The following PTPN13 variants were observed in gnomAD, a reference collection of about 807,000 sequenced individuals.
The protein encoded by PTPN13 is tyrosine-protein phosphatase non-receptor type 13.
PTPN13 carries 191 observed loss-of-function variants against 284.0 expected under a neutral mutation model. The ratio of observed to expected loss-of-function variants is 0.67; its 90% confidence interval spans 0.60 to 0.76. The LOEUF (loss-of-function observed/expected upper bound fraction) is 0.76. Ranked by LOEUF, PTPN13 falls within the 30% of genes least tolerant of loss-of-function variation. The probability of loss-of-function intolerance (pLI) is 0.00; values close to 1 mark genes in which losing one functional copy is unlikely to be tolerated. For missense variants in PTPN13, 2,797 were observed against 2,939.9 expected, an observed-to-expected ratio of 0.95 and a Z score of 1.12; for synonymous variants, 986 against 1,022.3, an observed-to-expected ratio of 0.96 and a Z score of 0.68.
chr4:86,799,298 C>T, intron 42 of PTPN13, 94 bp downstream of exon 42: 3 of 683,410 alleles, frequency 4.4e-6, no homozygotes, highest in Non-Finnish European at 6.9e-6. Flanking sequence ...GCTGTTTTAC[C>T]ATATGTATAC....
chr4:86,776,878 T>C (rs1039220891), intron 35 of PTPN13, among the ~76,000 whole-genome samples: 5 of 152,140 alleles, frequency 3.3e-5, no homozygotes, highest in African/African-American at 1.2e-4. Context: ...TACAGTGTCA[T>C]AAAGCTGCAC....
chr4:86,634,057 G>T (rs1033309666), intron 1 of PTPN13, among the ~76,000 whole-genome samples: 1 of 152,124 alleles, frequency 6.6e-6, no homozygotes, highest in Non-Finnish European at 1.5e-5. Flanking sequence ...GACAAGACTG[G>T]CCTCATTTAT....
In PTPN13 at chr4:86,814,594, CCT is replaced by C. The variant is rs1276910047; in HGVS notation, c.*45_*46del. 8.1e-6 allele frequency: 12 copies of C among 1,486,470 alleles called. No individual in the cohort carries two copies. Among genetic ancestry groups the C allele is most frequent in the Non-Finnish European group, 1.0e-5 (11 of 1,066,932 alleles). The allele number at this position is 1,486,470 out of a possible 1,614,324, so 92.1% of individuals were successfully genotyped here. On this transcript the variant is annotated 3_prime_UTR_variant, in exon 48 of 48. Transcript: ENST00000411767. ...GATGCATTTCCATTTCTCTCCTTAA[CCT>C]CCAGCAGACTCCTGCTCTCTATCCA...
intron 42 of PTPN13, 78 bp downstream of exon 42, chr4:86,799,282 G>T (rs1022531944): frequency 1.2e-6 from 1 of 865,228 alleles, no homozygotes. Context: ...CAGACTATAT[G>T]GATATGCTGT....
intron 3 of PTPN13, among the ~76,000 whole-genome samples, chr4:86,680,013 A>G (rs1429402202): frequency 2.0e-5 from 3 of 152,278 alleles, no homozygotes; most frequent in Non-Finnish European, 4.4e-5. Flanking sequence ...TAACCTCTCC[A>G]TGTCTTAGGT....
At chr4:86,715,577 A>C (rs1732927928) in intron 7 of PTPN13, among the ~76,000 whole-genome samples, 1 of 152,174 alleles carries the variant, frequency 6.6e-6, no homozygotes, top group Non-Finnish European at 1.5e-5. Flanking sequence ...AGGCAACAGA[A>C]TGAGACCCTG....
At position 86,762,917 on chromosome 4, in the gene PTPN13, T is replaced by C. The variant is rs1436172833; in HGVS notation, c.3744T>C (p.Asp1248=). 8 of 1,613,712 alleles carry C rather than the reference T, an allele frequency of 5.0e-6. No individual in the cohort carries two copies. Among genetic ancestry groups the C allele is most frequent in the African/African-American group, 1.3e-5 (1 of 74,874 alleles). The change falls in exon 24 of 48, where the codon GAT becomes GAC. Residue 1248 remains aspartate (D), a synonymous_variant. Transcript: ENST00000411767. ...GGGAAGGAAGCCTGAGTTCTCAAGA[T>C]TCCAGGACTGAGAGTGCCAGCTTGT... ...GLREGSLSSQ[D]SRTESASLSQ... is the part of the protein sequence containing the mutation.
chr4:86,778,440 T>C (rs558800168), intron 35 of PTPN13, among the ~76,000 whole-genome samples: 41 of 152,224 alleles, frequency 2.7e-4, no homozygotes, highest in Middle Eastern at 3.4e-3. Flanking sequence ...AAATGATGTA[T>C]GTGACGCACC....
chr4:86,767,618 A>G (rs1739484678), intron 27 of PTPN13, among the ~76,000 whole-genome samples, 199 bp from the exon 28 acceptor site: 1 of 152,132 alleles, frequency 6.6e-6, no homozygotes, highest in Non-Finnish European at 1.5e-5. Context: ...CTATACAGAA[A>G]TGTAATAAAA....
chr4:86,799,589 C>G (rs1044257852), intron 42 of PTPN13, among the ~76,000 whole-genome samples: 4 of 151,940 alleles, frequency 2.6e-5, no homozygotes, highest in Non-Finnish European at 4.4e-5. Context: ...CTCAGCTTCC[C>G]AAAGTGCTGG....
intron 40 of PTPN13, among the ~76,000 whole-genome samples, chr4:86,788,303 G>A (rs1742224680): frequency 6.6e-6 from 1 of 152,060 alleles, no homozygotes; most frequent in African/African-American, 2.4e-5. Flanking sequence ...TGTATTTCTA[G>A]AATATTACCT....
At chr4:86,769,645 A>G (rs1739749164) in intron 28 of PTPN13, 124 bp from the exon 29 acceptor site, 1 of 641,166 alleles carries the variant, frequency 1.6e-6, no homozygotes, top group Admixed American at 2.9e-5. Context: ...GTAAGTACAT[A>G]CAGAGCTATA....
intron 40 of PTPN13, among the ~76,000 whole-genome samples, chr4:86,787,828 C>G (rs896406741): frequency 1.3e-5 from 2 of 152,134 alleles, no homozygotes; most frequent in East Asian, 1.9e-4. Context: ...CTTTTTAAAG[C>G]CTTCCTATCA....
At position 86,756,982 on chromosome 4, in the gene PTPN13, T is replaced by C. The variant is rs1040966105; in HGVS notation, c.3224-1278T>C. On this transcript the variant is annotated intron_variant, in intron 20 of 47. Transcript: ENST00000411767. ...AATTTGAAAATTCACTTTACAAAAATATCCTTAGGAATATGTTGAACGAAC... is the reference window on the plus strand; with the variant it reads ...AATTTGAAAATTCACTTTACAAAAACATCCTTAGGAATATGTTGAACGAAC... Among the ~76,000 whole-genome samples the C allele has an allele frequency of 3.3e-5, 5 of 152,172 alleles. No individual in the cohort carries two copies. In the East Asian group the frequency reaches 7.7e-4, roughly 23 times the overall value.
In PTPN13 at chr4:86,744,895, AG is replaced by A. The variant is rs2149182133; in HGVS notation, c.2488-70del. 2.6e-6 allele frequency: 3 copies of A among 1,145,154 alleles called. No individual in the cohort carries two copies. In the East Asian group the frequency reaches 7.7e-5, roughly 30 times the overall value. 70.9% of individuals were successfully genotyped at this position (1,145,154 alleles called of 1,614,324 possible). A position where few individuals can be genotyped will look rare whatever the true frequency, so the allele number is the denominator to read the frequency against. ...TCATATTAGATGTAAGTCAATATCC[AG>A]TGCCTAACAAGAAATATAAATAATA... is the stretch of plus-strand genomic sequence containing the variant. On this transcript the variant is annotated intron_variant, in intron 16 of 47. Transcript: ENST00000411767.
intron 20 of PTPN13, among the ~76,000 whole-genome samples, chr4:86,756,844 G>A (rs1738032729): frequency 6.6e-6 from 1 of 152,104 alleles, no homozygotes; most frequent in South Asian, 2.1e-4. Flanking sequence ...TACTGATTTG[G>A]TTGTTACAAA....
chr4:86,738,347 T>G (rs1321169689), intron 15 of PTPN13, among the ~76,000 whole-genome samples: 1 of 152,230 alleles, frequency 6.6e-6, no homozygotes, highest in Non-Finnish European at 1.5e-5. Context: ...TGAATTTCAG[T>G]TGCTCCACAT....
chr4:86,710,405 C>G (rs1197706098), intron 7 of PTPN13, among the ~76,000 whole-genome samples: 18 of 152,150 alleles, frequency 1.2e-4, no homozygotes, highest in African/African-American at 3.4e-4. Flanking sequence ...ATATGTGTCA[C>G]TTGTAAATGG....
intron 5 of PTPN13, chr4:86,689,836 C>T: frequency 1.5e-6 from 1 of 681,278 alleles, no homozygotes. Context: ...TGTATTTTAT[C>T]TTGTTTGCCC....
Sources: gnomAD v4.1 joint callset for allele counts (sites outside exome capture counted in the v4.1 genomes callset) on GRCh38, gnomAD v4.1.1 for gene constraint, MANE v1.5 for transcripts, NCBI Gene and HGNC (gene_info 2026-07-23, HGNC 2026-07-21) for gene names.